TTN: variants seen among roughly 807,000 people sequenced by gnomAD.
The protein encoded by TTN is titin.
TTN carries 1,525 observed loss-of-function variants against 3,223.0 expected under a neutral mutation model. The ratio of observed to expected loss-of-function variants is 0.47; its 90% CI spans 0.45 to 0.49. The LOEUF (loss-of-function observed/expected upper bound fraction) is 0.49. Among genes scored for constraint, TTN ranks in the 20% least tolerant of loss-of-function variants. The probability of loss-of-function intolerance (pLI) is 0.00; values close to 1 mark genes in which losing one functional copy is unlikely to be tolerated. For synonymous variants in TTN, 14,094 were observed against 15,161.0 expected (o/e 0.93, Z 5.17); for missense variants, 40,786 against 43,424.0 (o/e 0.94, Z 5.40).
Position 178,704,975 on chromosome 2 carries a change from A to G in TTN, c.29605-9T>C. 1 of 1,611,580 alleles carries G rather than the reference A, an allele frequency of 6.2e-7. No homozygotes were observed. Among genetic ancestry groups the G allele is most frequent in the Non-Finnish European group, 8.5e-7 (1 of 1,179,524 alleles). On this transcript the variant is annotated splice_polypyrimidine_tract_variant and intron_variant, in intron 103 of 362. Transcript: ENST00000589042. Reference sequence around the variant, plus strand: ...TCTATTTCCTCAATTTCCTGAGAAGAACAAAAATGATAGGCATTACAGATG... The same window carrying G: ...TCTATTTCCTCAATTTCCTGAGAAGGACAAAAATGATAGGCATTACAGATG...
chr2:178,746,110 G>T (rs753130126), intron 47 of TTN: 4 of 1,613,252 alleles, frequency 2.5e-6, no homozygotes, highest in South Asian at 1.1e-5. Context: ...CCTTCTCCTC[G>T]CTAATCACGT....
chr2:178,635,184 TCTC>T lies in TTN; in HGVS notation c.42002_42004del (p.Gly14001del). On this transcript the variant is annotated inframe_deletion, in exon 228 of 363. Coordinates refer to ENST00000589042, the MANE Select transcript of TTN (RefSeq NM_001267550.2). ...ACTCACAGGTGAGGGCCTTAGAAGT[TCTC>T]CTTTCAGTTTCCATTGTCCAGGAAT... 1 of 1,613,000 alleles carries T rather than the reference TCTC, an allele frequency of 6.2e-7. No homozygotes were observed. Among genetic ancestry groups the T allele is most frequent in the Non-Finnish European group, 8.5e-7 (1 of 1,179,410 alleles).
At chr2:178,730,476 C>T (rs1578151395) in intron 61 of TTN, 29 bp downstream of exon 61, 1 of 1,576,212 alleles carries the variant, frequency 6.3e-7, no homozygotes, top group Non-Finnish European at 8.6e-7. Flanking sequence ...TTTGTAAGTT[C>T]TTGATAAGTG....
intron 308 of TTN, 120 bp downstream of exon 308, chr2:178,586,385 G>C: frequency 8.2e-7 from 1 of 1,226,658 alleles, no homozygotes; most frequent in South Asian, 1.5e-5. Flanking sequence ...GAAAGCCACT[G>C]TTCTCTACTG....
At position 178,571,841 on chromosome 2, in the gene TTN, G is replaced by T; in HGVS notation, c.74291C>A (p.Ala24764Glu). 6.2e-7 allele frequency: 1 copy of T among 1,613,502 alleles called. No homozygotes were observed. Among genetic ancestry groups the T allele is most frequent in the Non-Finnish European group, 8.5e-7 (1 of 1,179,604 alleles). ...TAGTGAATTATTTTCTGTGCTCTCT[G>T]CATTTACTCTAGTTGTCTGCTTCAG... ...VPLKQTTRVN[A>E]ESTENNSLLT... Residue 24764 changes from alanine (A) to glutamate (E), a missense_variant, in exon 326 of 363, where the codon GCA becomes GAA. Transcript: ENST00000589042.
Position 178,562,281 on chromosome 2 carries a change from C to T in TTN, c.83851G>A (p.Gly27951Arg). 3 of 1,613,480 alleles carry T rather than the reference C, an allele frequency of 1.9e-6. No homozygotes were observed. Among genetic ancestry groups the T allele is most frequent in the African/African-American group, 1.3e-5 (1 of 75,016 alleles). ...EKGRSDPRQLGVPVIARDIEI... is the reference protein window; with the variant it reads ...EKGRSDPRQLRVPVIARDIEI... ...ATATCCCTTGCAATTACTGGCACTC[C>T]AAGTTGTCTTGGATCACTTCTTCCC... Residue 27951 changes from glycine to arginine, a missense_variant, in exon 326 of 363, where the codon GGA becomes AGA. Transcript: ENST00000589042.
chr2:178,667,030 A>G (rs1388878242), intron 162 of TTN, 129 bp from the exon 163 acceptor site: 3 of 942,476 alleles, frequency 3.2e-6, no homozygotes, highest in Non-Finnish European at 4.6e-6. Flanking sequence ...TTTTGTTCTA[A>G]TATTTTATCT....
At chr2:178,639,227 C>A (rs539026621) in intron 223 of TTN, among the ~76,000 whole-genome samples, 1 of 152,044 alleles carries the variant, frequency 6.6e-6, no homozygotes, top group Non-Finnish European at 1.5e-5. Flanking sequence ...AATTCAGTTG[C>A]ATGAAATACA....
intron 349 of TTN, chr2:178,542,038 A>G (rs1340976228): frequency 1.7e-5 from 7 of 408,056 alleles, no homozygotes; most frequent in African/African-American, 1.0e-4. Context: ...TCTCTTTCAT[A>G]AGAGTGAAGA....
chr2:178,748,593 A>G (rs375074258), intron 47 of TTN: 2 of 1,613,148 alleles, frequency 1.2e-6, no homozygotes, highest in Admixed American at 3.3e-5. Flanking sequence ...TGGATTTTAA[A>G]ATAAGCTTCT....
In TTN at chr2:178,664,924, G is replaced by A; in HGVS notation, c.36046C>T (p.Pro12016Ser). Residue 12016 changes from proline to serine, a missense_variant and splice_region_variant, in exon 166 of 363, where the codon CCC becomes TCC. Pro to Ser is a moderately conservative substitution (Grantham distance 74, BLOSUM62 -1). Coordinates refer to ENST00000589042, the MANE Select transcript of TTN (RefSeq NM_001267550.2). ...EEPETPRMKTPEAPQEIIPAK... is the reference protein window; with the variant it reads ...EEPETPRMKTSEAPQEIIPAK... ...GGAATAATTTCTTGAGGAGCTTCGG[G>A]CGCTTGAAAGATATTAGCAATTCAC... 1 of 1,605,766 alleles carries A rather than the reference G, an allele frequency of 6.2e-7. No individual in the cohort carries two copies. Among genetic ancestry groups the A allele is most frequent in the Non-Finnish European group, 8.5e-7 (1 of 1,176,792 alleles).
Position 178,792,162 on chromosome 2 carries a change from C to A in TTN, c.1572G>T (p.Lys524Asn). Reference protein sequence around the residue: ...RKETEKTFVPKVVISAAKAKE... With the variant: ...RKETEKTFVPNVVISAAKAKE... ...TGGCTTTAGCTGCGGAAATTACTAC[C>A]TTTGGTACAAATGTTTTTTCAGTTT... The change falls in exon 10 of 363, where the codon AAG becomes AAT. Residue 524 changes from lysine (K) to asparagine (N), a missense_variant. Lys to Asn is a moderately conservative substitution (Grantham distance 94, BLOSUM62 0). Transcript: ENST00000589042. 1 of 1,609,980 alleles carries A rather than the reference C, an allele frequency of 6.2e-7. No individual in the cohort carries two copies. The highest frequency in any genetic ancestry group is 8.5e-7 in the Non-Finnish European group (1 of 1,179,044).
chr2:178,744,479 T>C (rs2083086128), intron 47 of TTN: 10 of 855,232 alleles, frequency 1.2e-5, no homozygotes, highest in Non-Finnish European at 1.4e-5. Flanking sequence ...TTAAGGAGTA[T>C]GTTAATTTAC....
chr2:178,723,008 A>G (rs2078682856), intron 75 of TTN, 38 bp downstream of exon 75: 2 of 1,604,352 alleles, frequency 1.2e-6, no homozygotes, highest in Non-Finnish European at 1.7e-6. Flanking sequence ...ACATGTTAGA[A>G]GAATGCAAAT....
chr2:178,747,336 C>A, intron 47 of TTN: 1 of 1,613,330 alleles, frequency 6.2e-7, no homozygotes, highest in Non-Finnish European at 8.5e-7. Context: ...ACTGTCTCAC[C>A]TCCTGAATGT....
rs2056306843 is a variant in TTN at position 178,611,433 on chromosome 2, A to G, written c.50796T>C (p.Asn16932=). 3 of 1,612,902 alleles carry G rather than the reference A, an allele frequency of 1.9e-6. No individual in the cohort carries two copies. Among genetic ancestry groups the G allele is most frequent in the Non-Finnish European group, 2.5e-6 (3 of 1,179,300 alleles). Residue 16932 remains asparagine, a synonymous_variant, in exon 269 of 363, where the codon AAT becomes AAC. Transcript: ENST00000589042. ...KEYVLRVRAV[N]AIGVSEPSEI... Reference sequence around the variant, plus strand: ...CAGATGGCTCGCTGACACCAATAGCATTGACTGCTCTCACTCTCAGGACAT... The same window carrying G: ...CAGATGGCTCGCTGACACCAATAGCGTTGACTGCTCTCACTCTCAGGACAT...
chr2:178,740,105 G>T lies in TTN; in HGVS notation c.13128C>A (p.Asp4376Glu), dbSNP rs759726422. The T allele has an allele frequency of 5.6e-6, 9 of 1,613,774 alleles. No homozygotes were observed. Among genetic ancestry groups the T allele is most frequent in the East Asian group, 2.2e-5 (1 of 44,836 alleles). The change falls in exon 48 of 363, where the codon GAC becomes GAA. Residue 4376 changes from aspartate to glutamate, a missense_variant. Transcript: ENST00000589042. ...IKKVQEVQGR[D>E]LLSKESLLSG... ...AAAGCAAGCTTTCCTTAGAAAGAAG[G>T]TCCCTTCCCTGTACCTCCTGCACTT...
At chr2:178,647,552 G>A in intron 213 of TTN, 88 bp from the exon 214 acceptor site, 1 of 1,277,758 alleles carries the variant, frequency 7.8e-7, no homozygotes, top group Non-Finnish European at 1.1e-6. Context: ...AGGGGCAAGA[G>A]CTTCATCTTA....
In TTN at chr2:178,567,432, T is replaced by C; in HGVS notation, c.78700A>G (p.Ile26234Val). The C allele has an allele frequency of 6.2e-7, 1 of 1,609,178 alleles. No individual in the cohort carries two copies. The highest frequency in any genetic ancestry group is 1.7e-4 in the Middle Eastern group (1 of 6,034). ...TIEWLRGDKEIEESARCEIKN... is the reference protein window; with the variant it reads ...TIEWLRGDKEVEESARCEIKN... ...ATTTCACATCTAGCAGATTCTTCAA[T>C]TTCCTTATCTCCTCTTAACCACTCA... Residue 26234 changes from isoleucine to valine, a missense_variant, in exon 326 of 363, where the codon ATT (isoleucine) becomes GTT (valine). Coordinates refer to ENST00000589042, the MANE Select transcript of TTN (RefSeq NM_001267550.2).
Sources: allele counts gnomAD v4.1 joint callset (sites outside exome capture counted in the v4.1 genomes callset), GRCh38; gene constraint gnomAD v4.1.1; transcripts MANE v1.5; gene names NCBI Gene and HGNC (gene_info 2026-07-23, HGNC 2026-07-21).